Variants in PDE3A observed in about 807,000 individuals in gnomAD.
PDE3A encodes cGMP-inhibited 3',5'-cyclic phosphodiesterase 3A.
A neutral mutation model predicts 98.3 loss-of-function variants in PDE3A; 43 were observed. The observed-to-expected ratio is 0.44, with a 90% CI of 0.34 to 0.56. The LOEUF (loss-of-function observed/expected upper bound fraction) is 0.56, where lower values mean the gene tolerates loss of function less well. PDE3A is among the 20% of genes least tolerant of loss of function. The pLI is 0.01. For missense variants in PDE3A, 1,427 were observed against 1,440.7 expected, an observed-to-expected ratio of 0.99 and a Z score of 0.15; for synonymous variants, 663 against 567.9, an observed-to-expected ratio of 1.17 and a Z score of -2.38.
chr12:20,386,200 TA>T (rs377704062), intron 1 of PDE3A, among the ~76,000 whole-genome samples: 1 of 71,210 alleles, frequency 1.4e-5, no homozygotes, highest in Non-Finnish European at 2.5e-5. Flanking sequence ...TATAAATATA[TA>T]AAAATATATA....
At chr12:20,542,363 A>G (rs1408752442) in intron 1 of PDE3A, among the ~76,000 whole-genome samples, 2 of 151,954 alleles carry the variant, frequency 1.3e-5, no homozygotes, top group Non-Finnish European at 2.9e-5. Context: ...AATTTTAAAG[A>G]CCATTTCTAA....
intron 2 of PDE3A, among the ~76,000 whole-genome samples, chr12:20,558,297 A>G (rs1414484273): frequency 1.3e-5 from 2 of 152,010 alleles, no homozygotes; most frequent in Non-Finnish European, 2.9e-5. Flanking sequence ...TATTGCATAT[A>G]GCTAGAAAAT....
chr12:20,412,538 A>G (rs1315545211), intron 1 of PDE3A, among the ~76,000 whole-genome samples: 1 of 152,172 alleles, frequency 6.6e-6, no homozygotes, highest in Admixed American at 6.5e-5. Context: ...TATGTAAGAA[A>G]GTGAAAAACC....
chr12:20,576,934 T>TC (rs917263244), intron 2 of PDE3A, among the ~76,000 whole-genome samples: 7 of 151,768 alleles, frequency 4.6e-5, no homozygotes, highest in Non-Finnish European at 8.8e-5. Context: ...GAAGTTTTTT[T>TC]TTTTTAAACT....
chr12:20,665,987 C>G (rs117847456), intron 15 of PDE3A, among the ~76,000 whole-genome samples: 1 of 134,132 alleles, frequency 7.5e-6, no homozygotes, highest in Admixed American at 7.8e-5. Context: ...TTTTTGAGAC[C>G]GAGTCTCAGT....
chr12:20,552,129 A>G lies in PDE3A; in HGVS notation c.961-4531A>G. ...CCGCGGAACAGTCTTGTGATCAGAAACTCACCAACACCAACAGGGCGCTGG... is the reference window on the plus strand; with the variant it reads ...CCGCGGAACAGTCTTGTGATCAGAAGCTCACCAACACCAACAGGGCGCTGG... On this transcript the variant is annotated intron_variant, in intron 1 of 15. Coordinates refer to ENST00000359062, the MANE Select transcript of PDE3A (RefSeq NM_000921.5). This position sits in a 1 kb window ranked among gnomAD's most constrained non-coding sequence, Gnocchi z 5.1. 2 of 1,613,272 alleles carry G rather than the reference A, an allele frequency of 1.2e-6. No homozygotes were observed. The highest frequency in any genetic ancestry group is 2.2e-5 in the South Asian group (2 of 91,018).
In PDE3A at chr12:20,677,702, G is replaced by A. The variant is rs1945677073; in HGVS notation, c.3185-2328G>A. On this transcript the variant is annotated intron_variant, in intron 15 of 15. Coordinates refer to ENST00000359062, the MANE Select transcript of PDE3A (RefSeq NM_000921.5). Reference sequence around the variant, plus strand: ...TCTCAATCTCCAGACCTCGTGATCTGCCTGTCTCAGCCTTCCAAAGTGCTG... The same window carrying A: ...TCTCAATCTCCAGACCTCGTGATCTACCTGTCTCAGCCTTCCAAAGTGCTG... Among the ~76,000 whole-genome samples, 3 of 152,238 alleles carry A rather than the reference G, an allele frequency of 2.0e-5. No individual in the cohort carries two copies. The East Asian group carries it at 5.8e-4, about 29-fold the overall frequency.
chr12:20,441,125 T>C (rs2120842926), intron 1 of PDE3A, among the ~76,000 whole-genome samples: 1 of 152,188 alleles, frequency 6.6e-6, no homozygotes, highest in Non-Finnish European at 1.5e-5. Flanking sequence ...GTAATACTGG[T>C]TAAAGGAAAA....
intron 1 of PDE3A, among the ~76,000 whole-genome samples, chr12:20,501,911 G>T (rs902018446): frequency 2.0e-5 from 3 of 152,070 alleles, no homozygotes; most frequent in African/African-American, 7.2e-5. Context: ...ATCCTGATAT[G>T]ATATTAAATA....
chr12:20,479,622 C>A (rs945196314), intron 1 of PDE3A, among the ~76,000 whole-genome samples: 1 of 152,162 alleles, frequency 6.6e-6, no homozygotes, highest in South Asian at 2.1e-4. Context: ...TAATCTTGCT[C>A]CTTTGAGTTT....
At chr12:20,537,493 G>A (rs551650458) in intron 1 of PDE3A, among the ~76,000 whole-genome samples, 55 of 151,846 alleles carry the variant, frequency 3.6e-4, no homozygotes, top group Non-Finnish European at 5.9e-4. Flanking sequence ...ATTTATTTTC[G>A]TATTTTCTGA....
chr12:20,531,610 C>T (rs926542620), intron 1 of PDE3A, among the ~76,000 whole-genome samples: 1 of 151,888 alleles, frequency 6.6e-6, no homozygotes, highest in Admixed American at 6.6e-5. Flanking sequence ...AGAGAGGTGA[C>T]ATGAATTTCT....
rs925011799 is a variant in PDE3A at position 20,682,919 on chromosome 12, A to G, written c.*2648A>G. 3 of 152,186 alleles carry G rather than the reference A, an allele frequency of 2.0e-5. No individual in the cohort carries two copies. Among genetic ancestry groups the G allele is most frequent in the African/African-American group, 7.2e-5 (3 of 41,448 alleles). 9.4% of individuals were successfully genotyped at this position (152,186 alleles called of 1,614,324 possible). ...CTATTGACAGTTTCATCAAAGCTGT[A>G]TAGTCCAACTAGTGGGGCAGCTTGG... On this transcript the variant is annotated 3_prime_UTR_variant, in exon 16 of 16. Transcript: ENST00000359062.
At position 20,650,244 on chromosome 12, in the gene PDE3A, G is replaced by A. The variant is rs577469606; in HGVS notation, c.2770-201G>A. 2.0e-3 allele frequency among the ~76,000 whole-genome samples: 300 copies of A among 151,652 alleles called. 1 individual carries two copies. The highest frequency in any genetic ancestry group is 6.5e-3 in the African/African-American group (270 of 41,378). On this transcript the variant is annotated intron_variant, in intron 13 of 15. Coordinates refer to ENST00000359062, the MANE Select transcript of PDE3A (RefSeq NM_000921.5). ...ATTATTATAATTTTATCCATAATTC[G>A]TTATTTTACTTTTTTTGTGAACTAT...
In PDE3A at chr12:20,687,758, TAATA is replaced by T. The variant is rs1402403874; in HGVS notation, c.*7488_*7491del. ...AAATGAGATTCTCCCTGGCTTTCTA[TAATA>T]TATTAGGATATGTGACTGAAGGAAA... On this transcript the variant is annotated 3_prime_UTR_variant, in exon 16 of 16. Coordinates refer to ENST00000359062, the MANE Select transcript of PDE3A (RefSeq NM_000921.5). 6.6e-6 allele frequency among the ~76,000 whole-genome samples: 1 copy of T among 151,930 alleles called. No homozygotes were observed. Among genetic ancestry groups the T allele is most frequent in the Non-Finnish European group, 1.5e-5 (1 of 67,916 alleles).
chr12:20,675,159 ATC>A (rs1945601456), intron 15 of PDE3A, among the ~76,000 whole-genome samples: 1 of 151,936 alleles, frequency 6.6e-6, no homozygotes, highest in Non-Finnish European at 1.5e-5. Flanking sequence ...TTCCTTAATT[ATC>A]TCTTTGACCC....
Position 20,392,217 on chromosome 12 carries a change from A to G in PDE3A, c.960+21973A>G, listed in dbSNP as rs571719809. On this transcript the variant is annotated intron_variant, in intron 1 of 15. Transcript: ENST00000359062. The stretch of plus-strand genomic sequence containing the variant: ...GACCTTCTGTTTTTGTTTGGTCCCA[A>G]TGCAAATAGGAAGATAACTAAGGTT... Among the ~76,000 whole-genome samples, 5 of 152,112 alleles carry G rather than the reference A, an allele frequency of 3.3e-5. No homozygotes were observed. In the East Asian group the frequency reaches 9.7e-4, roughly 29 times the overall value.
chr12:20,621,383 T>C lies in PDE3A; in HGVS notation c.1512T>C (p.His504=), dbSNP rs116851432. 4.5e-4 allele frequency: 721 copies of C among 1,610,750 alleles called. No homozygotes were observed. The highest frequency in any genetic ancestry group is 5.5e-4 in the Admixed American group (33 of 59,936). The part of the protein sequence containing the change: ...TSSYAISAAN[H]VKAKKQSRPG... ...CCTATGCTATTTCTGCAGCTAACCA[T>C]GTAAAGGCTAAAAAGCAAAGTCGAC... Residue 504 remains histidine, a synonymous_variant, in exon 5 of 16, where the codon CAT becomes CAC. Transcript: ENST00000359062.
At chr12:20,422,115 G>C (rs903418247) in intron 1 of PDE3A, among the ~76,000 whole-genome samples, 3 of 152,152 alleles carry the variant, frequency 2.0e-5, no homozygotes, top group African/African-American at 2.4e-5. Flanking sequence ...GGGAGGCCGA[G>C]GTGGGCGGAT....
Sources: allele counts gnomAD v4.1 joint callset (sites outside exome capture counted in the v4.1 genomes callset), GRCh38; gene constraint gnomAD v4.1.1; non-coding constraint Gnocchi (gnomAD v3.1); transcripts MANE v1.5; gene names NCBI Gene and HGNC (gene_info 2026-07-23, HGNC 2026-07-21).